Variants in PNO1 observed in about 807,000 individuals in gnomAD.
The protein encoded by PNO1 is partner of NOB1 homolog.
PNO1 carries 16 observed loss-of-function variants against 28.4 expected under a neutral mutation model. The observed-to-expected ratio is 0.56, with a 90% CI of 0.38 to 0.85. PNO1 has a LOEUF of 0.85. Among genes scored for constraint, PNO1 ranks in the 40% least tolerant of loss-of-function variants. PNO1 has a pLI of 0.00. For missense variants in PNO1, 304 were observed against 312.2 expected, an observed-to-expected ratio of 0.97 and a Z score of 0.20; for synonymous variants, 115 against 110.8, an observed-to-expected ratio of 1.04 and a Z score of -0.24.
chr2:68,158,995 T>C (rs1424188448), intron 2 of PNO1, among the ~76,000 whole-genome samples: 1 of 152,216 alleles, frequency 6.6e-6, no homozygotes, highest in African/African-American at 2.4e-5. Flanking sequence ...TATATTTGTT[T>C]ATATATTTTT....
intron 5 of PNO1, among the ~76,000 whole-genome samples, chr2:68,165,377 A>AAAACAAC (rs1553401401): frequency 3.2e-5 from 2 of 61,800 alleles, no homozygotes; most frequent in Non-Finnish European, 6.3e-5. Context: ...AAAAAAAAAA[A>AAAACAAC]AACAACAAAA....
At chr2:68,160,162 G>T (rs1164711809) in intron 2 of PNO1, among the ~76,000 whole-genome samples, 1 of 151,726 alleles carries the variant, frequency 6.6e-6, no homozygotes, top group Non-Finnish European at 1.5e-5. Context: ...GTAGAGACAG[G>T]GTTTCACCGT....
At chr2:68,169,333 T>A (rs1674069495) in intron 5 of PNO1, among the ~76,000 whole-genome samples, 1 of 152,134 alleles carries the variant, frequency 6.6e-6, no homozygotes, top group Non-Finnish European at 1.5e-5. Flanking sequence ...GTGGGTCCTA[T>A]GGTCCCAAAG....
chr2:68,161,715 G>C lies in PNO1; in HGVS notation c.390G>C (p.Leu130=), dbSNP rs1673836447. 1.9e-6 allele frequency: 3 copies of C among 1,612,986 alleles called. No homozygotes were observed. The highest frequency in any genetic ancestry group is 2.5e-6 in the Non-Finnish European group (3 of 1,179,210). The change falls in exon 3 of 7, where the codon CTG becomes CTC. Residue 130 remains leucine, a synonymous_variant. Coordinates refer to ENST00000263657, the MANE Select transcript of PNO1 (RefSeq NM_020143.4). The part of the protein sequence containing the change: ...TCKETKDVSA[L]TKAADFVKAF... ...AAGAAACCAAGGATGTTAGTGCTCTGACAAAAGCAGCTGATTTTGTGAAAG... is the reference window on the plus strand; with the variant it reads ...AAGAAACCAAGGATGTTAGTGCTCTCACAAAAGCAGCTGATTTTGTGAAAG...
chr2:68,173,340 C>A lies in PNO1; in HGVS notation c.621-7C>A, dbSNP rs759659716. ...GCCACTAATTTGTCTCATTTTATTTCTTTCAGGAAAGTTCACATCCTTGGC... is the reference window on the plus strand; with the variant it reads ...GCCACTAATTTGTCTCATTTTATTTATTTCAGGAAAGTTCACATCCTTGGC... On this transcript the variant is annotated splice_polypyrimidine_tract_variant and splice_region_variant and intron_variant, in intron 5 of 6. Coordinates refer to ENST00000263657, the MANE Select transcript of PNO1 (RefSeq NM_020143.4). The A allele has an allele frequency of 6.3e-7, 1 of 1,575,192 alleles. No individual in the cohort carries two copies. The highest frequency in any genetic ancestry group is 8.7e-7 in the Non-Finnish European group (1 of 1,145,446).
chr2:68,161,104 C>T lies in PNO1; in HGVS notation c.358-579C>T, dbSNP rs140887729. On this transcript the variant is annotated intron_variant, in intron 2 of 6. Transcript: ENST00000263657. ...TGTGTAAAGCATGTTATTTATAGTA[C>T]GTGTTATTTACAGTGGTAGGCTTTT... 1.7e-4 allele frequency: 72 copies of T among 427,716 alleles called. No individual in the cohort carries two copies. In the East Asian group the frequency reaches 3.7e-3, roughly 22 times the overall value. The allele number at this position is 427,716 out of a possible 1,614,324, so 26.5% of individuals were successfully genotyped here. A position where few individuals can be genotyped will look rare whatever the true frequency, so the allele number is the denominator to read the frequency against.
Position 68,175,875 on chromosome 2 carries a change from C to T in PNO1, c.*1073C>T, listed in dbSNP as rs1412625470. 1 of 152,144 alleles carries T rather than the reference C, an allele frequency of 6.6e-6. No homozygotes were observed. Among genetic ancestry groups the T allele is most frequent in the Admixed American group, 6.5e-5 (1 of 15,280 alleles). The allele number at this position is 152,144 out of a possible 1,614,324, so 9.4% of individuals were successfully genotyped here. On this transcript the variant is annotated 3_prime_UTR_variant, in exon 7 of 7. Transcript: ENST00000263657. ...AGCTTAGCCTACCTTAAAAGGGCTC[C>T]GAACACTACATTAGCCTACAGTTGG...
intron 5 of PNO1, among the ~76,000 whole-genome samples, chr2:68,170,747 CAAAAAAAA>C (rs767088135): frequency 2.1e-4 from 13 of 61,088 alleles, no homozygotes; most frequent in African/African-American, 6.3e-4. Flanking sequence ...GACTCCGTCT[CAAAAAAAA>C]AAAAAAAAAA....
chr2:68,165,171 C>T (rs1441003921), intron 5 of PNO1, among the ~76,000 whole-genome samples: 10 of 151,470 alleles, frequency 6.6e-5, no homozygotes, highest in African/African-American at 1.5e-4. Context: ...GAGACCATCC[C>T]GGCTAAAACG....
At position 68,165,093 on chromosome 2, in the gene PNO1, G is replaced by A. The variant is rs1444908459; in HGVS notation, c.620+2430G>A. ...AATTTAGAAATCCATGGCCCGGCAC[G>A]GTGGCTCACACCTGTAATCCCAGCA... On this transcript the variant is annotated intron_variant, in intron 5 of 6. Transcript: ENST00000263657. Among the ~76,000 whole-genome samples, 6 of 152,040 alleles carry A rather than the reference G, an allele frequency of 3.9e-5. 1 individual carries two copies. The highest frequency in any genetic ancestry group is 3.9e-4 in the East Asian group (2 of 5,134).
intron 3 of PNO1, 23 bp from the exon 4 acceptor site, chr2:68,162,242 C>T (rs368707907): frequency 1.3e-5 from 20 of 1,581,900 alleles, no homozygotes; most frequent in South Asian, 2.2e-5. Flanking sequence ...AGGGGCTTCA[C>T]GGTGTTTGTT....
intron 6 of PNO1, 50 bp from the exon 7 acceptor site, chr2:68,174,685 G>C: frequency 8.0e-7 from 1 of 1,256,250 alleles, no homozygotes; most frequent in Non-Finnish European, 1.2e-6. Flanking sequence ...AACTGTAGGC[G>C]CTATAAATGT....
intron 5 of PNO1, among the ~76,000 whole-genome samples, chr2:68,170,750 A>C (rs1470721807): frequency 6.7e-6 from 1 of 148,624 alleles, no homozygotes; most frequent in Non-Finnish European, 1.5e-5. Context: ...TCCGTCTCAA[A>C]AAAAAAAAAA....
rs902572055 is a variant in PNO1 at position 68,158,244 on chromosome 2, G to C, written c.207+103G>C. The stretch of plus-strand genomic sequence containing the variant: ...GAAGCTGCGGTGGGGCTGTTCTGCC[G>C]TGATGCTCAGAGAGAAGTGATTCTT... On this transcript the variant is annotated intron_variant, in intron 1 of 6. Coordinates refer to ENST00000263657, the MANE Select transcript of PNO1 (RefSeq NM_020143.4). 5 of 1,382,372 alleles carry C rather than the reference G, an allele frequency of 3.6e-6. No individual in the cohort carries two copies. The Admixed American group carries it at 8.8e-5, about 24-fold the overall frequency. The allele number at this position is 1,382,372 out of a possible 1,614,324, so 85.6% of individuals were successfully genotyped here. A position where few individuals can be genotyped will look rare whatever the true frequency, so the allele number is the denominator to read the frequency against.
Position 68,173,338 on chromosome 2 carries a change from T to G in PNO1, c.621-9T>G. On this transcript the variant is annotated splice_polypyrimidine_tract_variant and intron_variant, in intron 5 of 6. Coordinates refer to ENST00000263657, the MANE Select transcript of PNO1 (RefSeq NM_020143.4). Reference sequence around the variant, plus strand: ...CAGCCACTAATTTGTCTCATTTTATTTCTTTCAGGAAAGTTCACATCCTTG... The same window carrying G: ...CAGCCACTAATTTGTCTCATTTTATGTCTTTCAGGAAAGTTCACATCCTTG... 1.3e-6 allele frequency: 2 copies of G among 1,572,084 alleles called. No individual in the cohort carries two copies. The highest frequency in any genetic ancestry group is 1.8e-6 in the Non-Finnish European group (2 of 1,142,112).
intron 2 of PNO1, chr2:68,161,367 A>T: frequency 2.1e-6 from 1 of 468,214 alleles, no homozygotes. Flanking sequence ...CAGAAGGTAG[A>T]GGTTCTTCAG....
intron 5 of PNO1, 85 bp from the exon 6 acceptor site, chr2:68,173,262 C>T: frequency 1.1e-5 from 9 of 811,852 alleles, no homozygotes; most frequent in Middle Eastern, 2.8e-4. Flanking sequence ...AATGATCTAC[C>T]TGCCTTGGCC....
chr2:68,161,344 T>C (rs1008514222), intron 2 of PNO1: 4 of 476,434 alleles, frequency 8.4e-6, no homozygotes, highest in East Asian at 1.3e-4. Flanking sequence ...ACATTGGGCA[T>C]TGAAGGGATG....
At chr2:68,158,653 T>A (rs1402896370) in intron 2 of PNO1, 124 bp downstream of exon 2, 1 of 814,538 alleles carries the variant, frequency 1.2e-6, no homozygotes, top group Non-Finnish European at 1.8e-6. Context: ...GTTTAAAAAT[T>A]TACCATATTG....
Sources: gnomAD v4.1 joint callset for allele counts (sites outside exome capture counted in the v4.1 genomes callset) on GRCh38, gnomAD v4.1.1 for gene constraint, MANE v1.5 for transcripts, NCBI Gene and HGNC (gene_info 2026-07-23, HGNC 2026-07-21) for gene names.